Variants in PRDM11 observed in about 807,000 individuals in gnomAD.
PRDM11 encodes PR domain-containing protein 11.
Under a neutral mutation model 97.8 loss-of-function variants are expected in PRDM11, and 20 were observed. The observed-to-expected ratio is 0.20, with a 90% CI of 0.14 to 0.30. The LOEUF (loss-of-function observed/expected upper bound fraction) is 0.30. Among genes scored for constraint, PRDM11 ranks in the 10% least tolerant of loss-of-function variants. PRDM11 has a pLI of 1.00. For synonymous variants in PRDM11, 599 were observed against 637.7 expected (o/e 0.94, Z 0.91); for missense variants, 1,139 against 1,555.2 (o/e 0.73, Z 4.50).
intron 1 of PRDM11, among the ~76,000 whole-genome samples, chr11:45,135,692 A>G (rs1469754159): frequency 6.6e-6 from 1 of 152,222 alleles, no homozygotes; most frequent in Admixed American, 6.5e-5. Context: ...GGAAAAATGC[A>G]CCAGGTCCCT....
chr11:45,230,052 A>G lies in PRDM11; in HGVS notation c.*1893A>G, dbSNP rs1413030388. The G allele has an allele frequency of 6.6e-6, 1 of 150,548 alleles. No homozygotes were observed. The highest frequency in any genetic ancestry group is 2.5e-5 in the African/African-American group (1 of 40,782). 9.3% of individuals were successfully genotyped at this position (150,548 alleles called of 1,614,324 possible). A position where few individuals can be genotyped will look rare whatever the true frequency, so the allele number is the denominator to read the frequency against. ...ATCCCCTACCAATCCCTTCCCCTTC[A>G]CCTCCATGGTCTTGGTGCTAAGATA... On this transcript the variant is annotated 3_prime_UTR_variant, in exon 8 of 8. Transcript: ENST00000683152.
At chr11:45,128,204 C>T (rs1030295857) in intron 1 of PRDM11, among the ~76,000 whole-genome samples, 1 of 152,176 alleles carries the variant, frequency 6.6e-6, no homozygotes, top group African/African-American at 2.4e-5. Flanking sequence ...TGGCAAAGTG[C>T]AGTATTAGGG....
At chr11:45,212,411 G>A (rs1853779588) in intron 5 of PRDM11, 1 of 354,946 alleles carries the variant, frequency 2.8e-6, no homozygotes, top group East Asian at 7.6e-5. Context: ...CCAACCCCTG[G>A]GCCTCCCTCC....
rs566970180 is a variant in PRDM11 at position 45,157,710 on chromosome 11, C to T, written c.-7+10833C>T. 2.0e-5 allele frequency among the ~76,000 whole-genome samples: 3 copies of T among 152,334 alleles called. No homozygotes were observed. The South Asian group carries it at 6.2e-4, about 32-fold the overall frequency. On this transcript the variant is annotated intron_variant, in intron 1 of 7. Transcript: ENST00000683152. ...CAGCCCTCGGGTGTGAGCAGCATGG[C>T]CTTTCCAGGCTGGCCTGGTTGGTGG...
At chr11:45,147,320 G>A (rs1851542252) in intron 1 of PRDM11, 1 of 151,226 alleles carries the variant, frequency 6.6e-6, no homozygotes, top group Non-Finnish European at 1.5e-5. Context: ...CGACGCCAGA[G>A]GGCTCGCCGC....
chr11:45,216,403 G>T lies in PRDM11; in HGVS notation c.555-3167G>T, dbSNP rs146600277. On this transcript the variant is annotated intron_variant, in intron 5 of 7. Coordinates refer to ENST00000683152, the MANE Select transcript of PRDM11 (RefSeq NM_001384648.1). ...TCCTTGGGGAGGGCTTCTGATTTCT[G>T]CAGCCATGTAATGAATGGAACAGGC... is the stretch of plus-strand genomic sequence containing the variant. Among the ~76,000 whole-genome samples the T allele has an allele frequency of 3.2e-3, 490 of 152,248 alleles. 8 individuals carry two copies. The highest frequency in any genetic ancestry group is 0.011 in the African/African-American group (477 of 41,524).
At chr11:45,223,253 C>T (rs1007918135) in intron 6 of PRDM11, among the ~76,000 whole-genome samples, 1 of 152,092 alleles carries the variant, frequency 6.6e-6, no homozygotes, top group Non-Finnish European at 1.5e-5. Context: ...GTGGAGGCTG[C>T]GTGAGCACCA....
At chr11:45,095,424 G>T (rs1160884027), upstream of PRDM11, among the ~76,000 whole-genome samples, 1 of 152,214 alleles carries the variant, frequency 6.6e-6, no homozygotes, top group African/African-American at 2.4e-5. Flanking sequence ...GGGGACAGGA[G>T]ATGGGAAAGG....
intron 6 of PRDM11, among the ~76,000 whole-genome samples, chr11:45,222,845 G>A (rs150341700): frequency 2.4e-3 from 369 of 152,236 alleles, no homozygotes; most frequent in African/African-American, 8.4e-3. Flanking sequence ...ATTGTTCAGC[G>A]GCACATCACC....
chr11:45,101,711 G>C, intron 1 of PRDM11, among the ~76,000 whole-genome samples: 1 of 69,436 alleles, frequency 1.4e-5, no homozygotes, highest in Non-Finnish European at 2.8e-5. Flanking sequence ...CAGAGCTGGA[G>C]GCTGAGCGGA....
intron 4 of PRDM11, among the ~76,000 whole-genome samples, chr11:45,199,480 G>C (rs1404966161): frequency 6.6e-6 from 1 of 152,150 alleles, no homozygotes; most frequent in East Asian, 1.9e-4. Flanking sequence ...GCTTTCTCAG[G>C]CCTCTTCTTC....
intron 1 of PRDM11, among the ~76,000 whole-genome samples, chr11:45,158,051 T>C (rs1851843509): frequency 6.6e-6 from 1 of 152,222 alleles, no homozygotes; most frequent in African/African-American, 2.4e-5. Context: ...GAGACCTGCC[T>C]CTGTGGCCTG....
chr11:45,112,919 A>T (rs150976604), intron 1 of PRDM11, among the ~76,000 whole-genome samples: 2,528 of 152,082 alleles, frequency 0.017, 55 homozygotes, highest in African/African-American at 0.053. Context: ...TACTCTGCTG[A>T]TTATTTCTTT....
chr11:45,178,609 G>T (rs1463431655), intron 1 of PRDM11, among the ~76,000 whole-genome samples: 1 of 152,208 alleles, frequency 6.6e-6, no homozygotes, highest in Non-Finnish European at 1.5e-5. Context: ...GGACCAGTGG[G>T]ACACATCAGA....
intron 1 of PRDM11, among the ~76,000 whole-genome samples, chr11:45,097,912 G>T (rs1454829390): frequency 6.6e-6 from 1 of 152,272 alleles, no homozygotes; most frequent in African/African-American, 2.4e-5. Context: ...GGAAAGAGCT[G>T]CACAGGCACC....
intron 1 of PRDM11, among the ~76,000 whole-genome samples, 184 bp from the exon 2 acceptor site, chr11:45,181,577 C>G (rs1397101907): frequency 6.6e-6 from 1 of 152,206 alleles, no homozygotes; most frequent in Non-Finnish European, 1.5e-5. Context: ...GGGATAGAAA[C>G]GGCATTTCCT....
intron 1 of PRDM11, among the ~76,000 whole-genome samples, chr11:45,150,242 AGCCC>A (rs1352390190): frequency 3.1e-4 from 47 of 152,108 alleles, no homozygotes; most frequent in Non-Finnish European, 4.6e-4. Flanking sequence ...TCTTCAGGGA[AGCCC>A]TCCCTGATTA....
rs141616165 is a variant in PRDM11 at position 45,138,600 on chromosome 11, G to A, written c.96+42699G>A. Among the ~76,000 whole-genome samples, 924 of 152,176 alleles carry A rather than the reference G, an allele frequency of 6.1e-3. 11 individuals carry two copies. The highest frequency in any genetic ancestry group is 0.021 in the African/African-American group (877 of 41,494). On this transcript the variant is annotated intron_variant, in intron 1 of 6. Coordinates refer to the PRDM11 transcript ENST00000530656. ...AATAAATTTAGTGCATGATACACAT[G>A]GCACTACAAAATAATGAGGAATAGA...
chr11:45,225,049 C>T lies in PRDM11; in HGVS notation c.1369+206C>T, dbSNP rs925718607. ...GCTCTGCCAGGTGCTCCATGTGTTG[C>T]CCTTGTATCCTCCTTGTCAATAAAG... On this transcript the variant is annotated intron_variant, in intron 7 of 7. Coordinates refer to ENST00000683152, the MANE Select transcript of PRDM11 (RefSeq NM_001384648.1). 6 of 1,444,082 alleles carry T rather than the reference C, an allele frequency of 4.2e-6. No homozygotes were observed. In the East Asian group the frequency reaches 1.2e-4, roughly 30 times the overall value. The allele number at this position is 1,444,082 out of a possible 1,614,324, so 89.5% of individuals were successfully genotyped here.
Sources: gnomAD v4.1 joint callset for allele counts (sites outside exome capture counted in the v4.1 genomes callset) on GRCh38, gnomAD v4.1.1 for gene constraint, MANE v1.5 for transcripts, NCBI Gene and HGNC (gene_info 2026-07-23, HGNC 2026-07-21) for gene names.